Variants in SPAG9 observed in about 807,000 individuals in gnomAD.
SPAG9 encodes the protein sperm associated antigen 9.
A neutral mutation model predicts 166.5 loss-of-function variants in SPAG9; 35 were observed. The observed-to-expected ratio is 0.21, with a 90% CI of 0.16 to 0.28. The LOEUF is 0.28. SPAG9 is among the 10% of genes least tolerant of loss of function. SPAG9 has a pLI of 1.00. For missense variants in SPAG9, 1,235 were observed against 1,603.3 expected, an observed-to-expected ratio of 0.77 and a Z score of 3.92; for synonymous variants, 534 against 565.5, an observed-to-expected ratio of 0.94 and a Z score of 0.79.
At position 51,041,597 on chromosome 17, in the gene SPAG9, C is replaced by T. The variant is rs371141113; in HGVS notation, c.645G>A (p.Leu215=). 17 of 1,613,748 alleles carry T rather than the reference C, an allele frequency of 1.1e-5. No individual in the cohort carries two copies. The highest frequency in any genetic ancestry group is 1.7e-5 in the Admixed American group (1 of 59,990). The change falls in exon 5 of 30, where the codon TTG becomes TTA. Residue 215 remains leucine (L), a synonymous_variant. Coordinates refer to ENST00000262013, the MANE Select transcript of SPAG9 (RefSeq NM_001130528.3). ...GIFPLPAGDG[L]LTPDAQKGGE... The stretch of plus-strand genomic sequence containing the variant: ...CTCCTTTCTGAGCATCAGGTGTAAG[C>T]AATCCATCTCCAGCAGGTAATGGGA...
intron 6 of SPAG9, among the ~76,000 whole-genome samples, chr17:51,027,756 C>A (rs1339340853): frequency 6.6e-6 from 1 of 152,072 alleles, no homozygotes; most frequent in Admixed American, 6.5e-5. Flanking sequence ...TAATGATAAA[C>A]AATTATGTCA....
chr17:50,984,908 C>A lies in SPAG9; in HGVS notation c.3088+15G>T. On this transcript the variant is annotated intron_variant, in intron 24 of 29. Coordinates refer to ENST00000262013, the MANE Select transcript of SPAG9 (RefSeq NM_001130528.3). ...AACAAATTAGTGTCCATGTTATACA[C>A]ACATCACCACTCACCCACTCCTCTG... 1 of 1,607,790 alleles carries A rather than the reference C, an allele frequency of 6.2e-7. No individual in the cohort carries two copies. The highest frequency in any genetic ancestry group is 8.5e-7 in the Non-Finnish European group (1 of 1,174,262).
chr17:51,014,276 C>A lies in SPAG9; in HGVS notation c.1169G>T (p.Gly390Val). Residue 390 changes from glycine (G) to valine (V), a missense_variant, in exon 9 of 30, where the codon GGC becomes GTC. Transcript: ENST00000262013. ...ESLFEELSSA[G>V]SGLIGDVDEG... is the part of the protein sequence containing the mutation. ...ATCCACATCTCCTATTAGGCCTGAGCCAGCTGAAGACAGTTCTTCAAAGAG... is the reference window on the plus strand; with the variant it reads ...ATCCACATCTCCTATTAGGCCTGAGACAGCTGAAGACAGTTCTTCAAAGAG... 6.2e-7 allele frequency: 1 copy of A among 1,613,294 alleles called. No homozygotes were observed. The highest frequency in any genetic ancestry group is 8.5e-7 in the Non-Finnish European group (1 of 1,179,472).
chr17:51,013,763 A>T (rs950522377), intron 9 of SPAG9, among the ~76,000 whole-genome samples: 2 of 152,236 alleles, frequency 1.3e-5, no homozygotes, highest in Non-Finnish European at 2.9e-5. Flanking sequence ...CCATAGGGCT[A>T]AAACATAATA....
chr17:50,989,920 A>C (rs1429603492), intron 20 of SPAG9, 48 bp from the exon 21 acceptor site: 2 of 1,520,248 alleles, frequency 1.3e-6, no homozygotes. Context: ...TTTCTCCTCC[A>C]ATTATTTCCC....
chr17:51,077,001 T>TCTAGCTAGCTAGCTAGCTATCTAG (rs2047995753), intron 2 of SPAG9, among the ~76,000 whole-genome samples: 1 of 90,658 alleles, frequency 1.1e-5, no homozygotes, highest in Non-Finnish European at 2.4e-5. Context: ...TATCTAGCTA[T>TCTAGCTAGCTAGCTAGCTATCTAG]CTAGCTAGCT....
intron 5 of SPAG9, among the ~76,000 whole-genome samples, chr17:51,039,942 G>A: frequency 6.6e-6 from 1 of 152,130 alleles, no homozygotes; most frequent in Admixed American, 6.5e-5. Flanking sequence ...AGTAAAGAAA[G>A]AGAGAGTTGC....
intron 5 of SPAG9, among the ~76,000 whole-genome samples, chr17:51,038,864 G>A (rs2046722501): frequency 6.6e-6 from 1 of 152,144 alleles, no homozygotes. Context: ...ATCTCCATGA[G>A]ATTGTGATAA....
At chr17:51,001,925 T>A in intron 12 of SPAG9, 80 bp from the exon 13 acceptor site, 1 of 1,378,196 alleles carries the variant, frequency 7.3e-7, no homozygotes, top group Non-Finnish European at 1.0e-6. Flanking sequence ...TGCAAAATCT[T>A]TCAGTTTTTA....
At chr17:50,975,964 G>T in intron 27 of SPAG9, 2 of 1,257,920 alleles carry the variant, frequency 1.6e-6, no homozygotes, top group Non-Finnish European at 2.2e-6. Context: ...GAGAATTACT[G>T]TGAGCCACCA....
chr17:51,028,916 C>T (rs1309855623), intron 6 of SPAG9, among the ~76,000 whole-genome samples: 1 of 152,106 alleles, frequency 6.6e-6, no homozygotes, highest in Non-Finnish European at 1.5e-5. Context: ...TGCAAATGAC[C>T]ACTAGCCTAT....
At chr17:51,041,804 G>C (rs1286729199) in intron 4 of SPAG9, among the ~76,000 whole-genome samples, 153 bp from the exon 5 acceptor site, 1 of 152,172 alleles carries the variant, frequency 6.6e-6, no homozygotes, top group East Asian at 1.9e-4. Context: ...ACTTACCAAA[G>C]AGGAAGGACA....
chr17:51,041,668 G>T lies in SPAG9; in HGVS notation c.591-17C>A. 2 of 1,607,396 alleles carry T rather than the reference G, an allele frequency of 1.2e-6. No individual in the cohort carries two copies. The highest frequency in any genetic ancestry group is 1.7e-6 in the Non-Finnish European group (2 of 1,177,498). The stretch of plus-strand genomic sequence containing the variant: ...CGTTCTTTTCTATTTGAAGAGGGGA[G>T]AAAAAATTCGGCATTCATTTATTTT... On this transcript the variant is annotated splice_polypyrimidine_tract_variant and intron_variant, in intron 4 of 29. Transcript: ENST00000262013.
chr17:51,053,865 A>G (rs1160128910), intron 3 of SPAG9, among the ~76,000 whole-genome samples: 2 of 78,118 alleles, frequency 2.6e-5, no homozygotes, highest in Admixed American at 1.2e-4. Flanking sequence ...GTATATATAT[A>G]TATATATATA....
intron 6 of SPAG9, 158 bp downstream of exon 6, chr17:51,031,523 A>C (rs2046383725): frequency 4.8e-6 from 3 of 626,334 alleles, no homozygotes; most frequent in Non-Finnish European, 8.6e-6. Flanking sequence ...CCTGACAACC[A>C]CTACAGTGGA....
At chr17:51,066,904 A>G (rs1316700373) in intron 2 of SPAG9, among the ~76,000 whole-genome samples, 1 of 151,644 alleles carries the variant, frequency 6.6e-6, no homozygotes, top group Non-Finnish European at 1.5e-5. Context: ...AAAAAAAAGG[A>G]TAGTTTACGT....
At chr17:51,069,275 T>C (rs1051412606) in intron 2 of SPAG9, among the ~76,000 whole-genome samples, 1 of 152,070 alleles carries the variant, frequency 6.6e-6, no homozygotes, top group Non-Finnish European at 1.5e-5. Context: ...GTAGAAGGAA[T>C]TGCCTATTGA....
chr17:50,982,954 GTTATCTGT>G lies in SPAG9; in HGVS notation c.3089-290_3089-283del, dbSNP rs1756645664. On this transcript the variant is annotated intron_variant, in intron 24 of 29. Coordinates refer to ENST00000262013, the MANE Select transcript of SPAG9 (RefSeq NM_001130528.3). Reference sequence around the variant, plus strand: ...TGATGTGATGATAAATCAGTTACAAGTTATCTGTTTATCATAATATTTTTCGAATTAGA... The same window carrying G: ...TGATGTGATGATAAATCAGTTACAAGTTATCATAATATTTTTCGAATTAGA... Among the ~76,000 whole-genome samples, 3 of 152,284 alleles carry G rather than the reference GTTATCTGT, an allele frequency of 2.0e-5. No individual in the cohort carries two copies. In the South Asian group the frequency reaches 6.2e-4, roughly 32 times the overall value.
intron 2 of SPAG9, among the ~76,000 whole-genome samples, chr17:51,077,033 T>TATCTAGCTAGCTAGCTATCTAG (rs1568065402): frequency 9.5e-5 from 9 of 94,540 alleles, no homozygotes; most frequent in Non-Finnish European, 2.2e-4. Context: ...TAGCTATCTA[T>TATCTAGCTAGCTAGCTATCTAG]CTAGCTATCT....
Sources: allele counts gnomAD v4.1 joint callset (sites outside exome capture counted in the v4.1 genomes callset), GRCh38; gene constraint gnomAD v4.1.1; transcripts MANE v1.5; gene names NCBI Gene and HGNC (gene_info 2026-07-23, HGNC 2026-07-21).